Variants in RBFOX1 observed in about 807,000 individuals in gnomAD.
The protein encoded by RBFOX1 is RNA binding fox-1 homolog 1, also known as RNA binding protein fox-1 homolog 1.
A neutral mutation model predicts 57.7 loss-of-function variants in RBFOX1; 8 were observed. The ratio of observed to expected loss-of-function variants is 0.14; its 90% CI spans 0.08 to 0.25. RBFOX1 has a LOEUF of 0.25. RBFOX1 is among the 10% of genes least tolerant of loss of function. The probability of loss-of-function intolerance (pLI) is 1.00; values close to 1 mark genes in which losing one functional copy is unlikely to be tolerated. For synonymous variants in RBFOX1, 326 were observed against 222.4 expected, an observed-to-expected ratio of 1.47 and a Z score of -4.15; for missense variants, 611 against 548.5, an observed-to-expected ratio of 1.11 and a Z score of -1.14.
At chr16:7,403,596 G>T (rs2098281479) in intron 4 of RBFOX1, among the ~76,000 whole-genome samples, 1 of 142,922 alleles carries the variant, frequency 7.0e-6, no homozygotes, top group South Asian at 2.2e-4. Flanking sequence ...GCCCAGTCTG[G>T]AGTGCAATGG....
At chr16:7,138,834 A>C (rs1164234633) in intron 4 of RBFOX1, among the ~76,000 whole-genome samples, 3 of 152,122 alleles carry the variant, frequency 2.0e-5, no homozygotes, top group Non-Finnish European at 2.9e-5. Flanking sequence ...TATAAGATGG[A>C]GTCTGGCTCT....
At chr16:5,769,811 C>A (rs1430815183) in intron 3 of RBFOX1, among the ~76,000 whole-genome samples, 2 of 152,198 alleles carry the variant, frequency 1.3e-5, no homozygotes, top group Non-Finnish European at 2.9e-5. Context: ...TGATTTTGGA[C>A]TTCTGGCCTC....
chr16:7,708,078 C>T (rs757191036), intron 14 of RBFOX1, among the ~76,000 whole-genome samples: 17 of 152,114 alleles, frequency 1.1e-4, no homozygotes, highest in South Asian at 2.1e-4. Flanking sequence ...CAGTGACTCA[C>T]GCCTGTAATC....
At chr16:7,223,792 A>G (rs1408225016) in intron 4 of RBFOX1, among the ~76,000 whole-genome samples, 1 of 148,982 alleles carries the variant, frequency 6.7e-6, no homozygotes, top group African/African-American at 2.5e-5. Flanking sequence ...TTTCTGTCTG[A>G]TAGAAATGGG....
At chr16:6,929,032 A>G (rs2076091029) in intron 3 of RBFOX1, among the ~76,000 whole-genome samples, 1 of 152,142 alleles carries the variant, frequency 6.6e-6, no homozygotes, top group Non-Finnish European at 1.5e-5. Flanking sequence ...AAGGGAGCAG[A>G]TGTGAGCCAG....
chr16:6,966,829 G>C (rs371468054), intron 3 of RBFOX1, among the ~76,000 whole-genome samples: 1 of 148,720 alleles, frequency 6.7e-6, no homozygotes, highest in African/African-American at 2.5e-5. Context: ...CTATCTATCT[G>C]TCTATCTATC....
chr16:7,018,856 C>T (rs1019273891), intron 3 of RBFOX1, among the ~76,000 whole-genome samples: 4 of 151,782 alleles, frequency 2.6e-5, no homozygotes, highest in African/African-American at 4.8e-5. Context: ...CAGTGGCTGA[C>T]GACTGTAATC....
At chr16:6,641,993 A>G (rs565861195) in intron 2 of RBFOX1, among the ~76,000 whole-genome samples, 1 of 152,172 alleles carries the variant, frequency 6.6e-6, no homozygotes, top group Admixed American at 6.5e-5. Context: ...TGAAAGCACC[A>G]GGGATTATCC....
chr16:5,295,585 C>A (rs768422126), intron 1 of RBFOX1, among the ~76,000 whole-genome samples: 38 of 152,162 alleles, frequency 2.5e-4, no homozygotes, highest in Non-Finnish European at 4.4e-4. Flanking sequence ...GGACTCAGGG[C>A]CCCGGTTTCT....
chr16:7,464,403 A>G (rs1345877614), intron 4 of RBFOX1, among the ~76,000 whole-genome samples: 3 of 152,076 alleles, frequency 2.0e-5, no homozygotes, highest in Non-Finnish European at 2.9e-5. Context: ...CCAAGATCAA[A>G]CAAGACATCG....
At chr16:5,710,221 G>C (rs59641967) in intron 3 of RBFOX1, among the ~76,000 whole-genome samples, 111 of 152,230 alleles carry the variant, frequency 7.3e-4, no homozygotes, top group African/African-American at 2.5e-3. Context: ...TCACTTTGCA[G>C]ATGTTGAAAC....
At chr16:6,802,338 C>G (rs540839437) in intron 3 of RBFOX1, among the ~76,000 whole-genome samples, 1 of 152,224 alleles carries the variant, frequency 6.6e-6, no homozygotes, top group Admixed American at 6.5e-5. Context: ...AATTTCATTG[C>G]TTGGATGTTA....
In RBFOX1 at chr16:5,503,860, G is replaced by T. The variant is rs546220435; in HGVS notation, c.258+36606G>T. 9.7e-4 allele frequency among the ~76,000 whole-genome samples: 147 copies of T among 152,264 alleles called. 2 individuals carry two copies. In the Middle Eastern group the frequency reaches 0.024, roughly 25 times the overall value. On this transcript the variant is annotated intron_variant, in intron 2 of 2. Transcript: ENST00000585867. The stretch of plus-strand genomic sequence containing the variant: ...ACTCTTAAGCTATCAAACCCCTATT[G>T]TCTGGTCCTCCCAGCCCCTGGCAAA...
chr16:7,590,314 T>A (rs1164331061), intron 7 of RBFOX1, among the ~76,000 whole-genome samples: 1 of 152,110 alleles, frequency 6.6e-6, no homozygotes, highest in Non-Finnish European at 1.5e-5. Context: ...GTATCTATAT[T>A]CCAGGTAGTA....
chr16:6,884,533 A>G (rs1335663989), intron 3 of RBFOX1, among the ~76,000 whole-genome samples: 1 of 152,192 alleles, frequency 6.6e-6, no homozygotes, highest in Non-Finnish European at 1.5e-5. Flanking sequence ...TTACATGTAC[A>G]TCATCTGTTA....
intron 3 of RBFOX1, among the ~76,000 whole-genome samples, chr16:5,623,867 A>G (rs1164015522): frequency 6.6e-6 from 1 of 152,188 alleles, no homozygotes; most frequent in Non-Finnish European, 1.5e-5. Flanking sequence ...TCATTCATAT[A>G]CAGTACAATT....
intron 4 of RBFOX1, among the ~76,000 whole-genome samples, chr16:7,433,424 A>T (rs1462726733): frequency 2.0e-5 from 3 of 152,188 alleles, no homozygotes; most frequent in African/African-American, 7.2e-5. Context: ...AGGAACTTCA[A>T]GTCTAATAGG....
At chr16:7,066,087 G>C (rs2055953624) in intron 4 of RBFOX1, among the ~76,000 whole-genome samples, 1 of 152,212 alleles carries the variant, frequency 6.6e-6, no homozygotes, top group Non-Finnish European at 1.5e-5. Flanking sequence ...AGAGTGTTTT[G>C]ATAGTATTTG....
At chr16:5,529,228 G>A in intron 2 of RBFOX1, among the ~76,000 whole-genome samples, 1 of 152,030 alleles carries the variant, frequency 6.6e-6, no homozygotes, top group East Asian at 1.9e-4. Flanking sequence ...GAGGGTGCGT[G>A]ACTTTGTTAT....
Sources: allele counts gnomAD v4.1 joint callset (sites outside exome capture counted in the v4.1 genomes callset), GRCh38; gene constraint gnomAD v4.1.1; transcripts MANE v1.5; gene names NCBI Gene and HGNC (gene_info 2026-07-23, HGNC 2026-07-21).